The following DNAJC24 variants were observed in gnomAD, a reference collection of about 807,000 sequenced individuals.
DNAJC24 encodes DnaJ heat shock protein family (Hsp40) member C24.
A neutral mutation model predicts 18.0 loss-of-function variants in DNAJC24; 17 were observed. The observed-to-expected ratio is 0.94, with a 90% CI of 0.65 to 1.42. DNAJC24 has a LOEUF of 1.42. DNAJC24 is among the 40% of genes most tolerant of loss of function. The pLI is 0.00. For missense variants in DNAJC24, 158 were observed against 175.6 expected (o/e 0.90, Z 0.57); for synonymous variants, 55 against 57.7 (o/e 0.95, Z 0.21).
chr11:31,410,924 CTAAACTGATATAT>C (rs1952702335), intron 2 of DNAJC24, among the ~76,000 whole-genome samples: 1 of 152,060 alleles, frequency 6.6e-6, no homozygotes, highest in Non-Finnish European at 1.5e-5. Flanking sequence ...TCCATTTTCC[CTAAACTGATATAT>C]TAATTAATGC....
At chr11:31,388,202 A>G (rs1272001567) in intron 2 of DNAJC24, among the ~76,000 whole-genome samples, 2 of 152,174 alleles carry the variant, frequency 1.3e-5, no homozygotes, top group Non-Finnish European at 2.9e-5. Flanking sequence ...GTTTATTCAG[A>G]TGGTTAATAA....
intron 2 of DNAJC24, among the ~76,000 whole-genome samples, chr11:31,378,677 C>T (rs571896922): frequency 3.1e-4 from 47 of 150,788 alleles, no homozygotes; most frequent in Non-Finnish European, 4.4e-4. Context: ...ATATTCCTAT[C>T]GCATAAATGC....
At position 31,411,650 on chromosome 11, in the gene DNAJC24, C is replaced by T. The variant is rs530956873; in HGVS notation, c.112-3161C>T. Among the ~76,000 whole-genome samples the T allele has an allele frequency of 1.8e-3, 267 of 152,256 alleles. 1 individual carries two copies. The highest frequency in any genetic ancestry group is 3.4e-3 in the Middle Eastern group (1 of 294). On this transcript the variant is annotated intron_variant, in intron 2 of 4. Coordinates refer to ENST00000465995, the MANE Select transcript of DNAJC24 (RefSeq NM_181706.5). ...TCTCTCTCCACTGTCTTCACATCACCGTCTCTTCTGTGTGTCAGCTCTTTC... is the reference window on the plus strand; with the variant it reads ...TCTCTCTCCACTGTCTTCACATCACTGTCTCTTCTGTGTGTCAGCTCTTTC...
intron 2 of DNAJC24, among the ~76,000 whole-genome samples, chr11:31,413,328 T>TC (rs1190087898): frequency 7.1e-6 from 1 of 140,706 alleles, no homozygotes; most frequent in Non-Finnish European, 1.6e-5. Context: ...AATACTATCT[T>TC]TTTTTTTTTT....
chr11:31,420,157 A>G (rs1371578099), intron 3 of DNAJC24, among the ~76,000 whole-genome samples: 1 of 152,026 alleles, frequency 6.6e-6, no homozygotes, highest in Non-Finnish European at 1.5e-5. Flanking sequence ...CTTATTACCT[A>G]TTTCAAACCT....
At chr11:31,417,110 T>C (rs1239808674) in intron 3 of DNAJC24, 1 of 152,110 alleles carries the variant, frequency 6.6e-6, no homozygotes, top group Non-Finnish European at 1.5e-5. Flanking sequence ...AATTTAGCTG[T>C]TCTAGAAGGA....
Position 31,370,988 on chromosome 11 carries a change from G to C in DNAJC24, c.111+129G>C, listed in dbSNP as rs553562035. On this transcript the variant is annotated intron_variant, in intron 2 of 4. Transcript: ENST00000465995. ...ATCCAGGTATTAATTTGATTTAATT[G>C]AACATTTCAGTAATATTGCAGAAAA... is the stretch of plus-strand genomic sequence containing the variant. 26 of 592,546 alleles carry C rather than the reference G, an allele frequency of 4.4e-5. No individual in the cohort carries two copies. In the South Asian group the frequency reaches 5.3e-4, roughly 12 times the overall value. The allele number at this position is 592,546 out of a possible 1,614,324, so 36.7% of individuals were successfully genotyped here.
intron 2 of DNAJC24, among the ~76,000 whole-genome samples, chr11:31,404,814 T>C (rs1410939590): frequency 6.6e-6 from 1 of 152,026 alleles, no homozygotes; most frequent in Non-Finnish European, 1.5e-5. Context: ...TCTACTGTAA[T>C]GTCATGGAAA....
intron 4 of DNAJC24, chr11:31,427,989 A>C (rs1335282501): frequency 6.6e-6 from 1 of 151,008 alleles, no homozygotes; most frequent in Non-Finnish European, 1.5e-5. Flanking sequence ...TTTAAAAAAA[A>C]AACAAGCATA....
chr11:31,375,638 G>C (rs967368608), intron 2 of DNAJC24, among the ~76,000 whole-genome samples: 1 of 134,626 alleles, frequency 7.4e-6, no homozygotes, highest in African/African-American at 2.5e-5. Flanking sequence ...AGAGATAGGA[G>C]GGACCTGTCT....
chr11:31,405,468 CCA>C (rs1208020739), intron 2 of DNAJC24, among the ~76,000 whole-genome samples: 3 of 151,438 alleles, frequency 2.0e-5, no homozygotes, highest in Non-Finnish European at 4.4e-5. Flanking sequence ...TATCAGAATA[CCA>C]CAGACTAGCT....
At chr11:31,407,528 T>A (rs1331042487) in intron 2 of DNAJC24, 4 of 150,804 alleles carry the variant, frequency 2.7e-5, no homozygotes, top group Non-Finnish European at 5.9e-5. Context: ...CTACAGAAAA[T>A]ACAAAAATTA....
intron 2 of DNAJC24, among the ~76,000 whole-genome samples, chr11:31,372,925 T>C (rs1952280029): frequency 7.4e-6 from 1 of 135,096 alleles, no homozygotes; most frequent in Non-Finnish European, 1.7e-5. Context: ...CCCATGAGAA[T>C]CACTGGACTA....
rs181925535 is a variant in DNAJC24, at chr11:31,396,308, T to C, written c.112-18503T>C. 1.5e-4 allele frequency: 68 copies of C among 454,770 alleles called. No individual in the cohort carries two copies. The East Asian group carries it at 4.7e-3, about 31-fold the overall frequency. 28.2% of individuals were successfully genotyped at this position (454,770 alleles called of 1,614,324 possible). ...GATCTATTCCTCTATGTGATATAAA[T>C]GTCACTGTGCTTCTGAGTTTTATTT... On this transcript the variant is annotated intron_variant, in intron 2 of 4. Transcript: ENST00000465995.
chr11:31,415,771 G>A (rs1373564276), intron 3 of DNAJC24: 1 of 152,210 alleles, frequency 6.6e-6, no homozygotes, highest in African/African-American at 2.4e-5. Flanking sequence ...ACTGGGATGT[G>A]TTGATAAAAG....
rs1230692001 is a variant in DNAJC24 at position 31,370,736 on chromosome 11, T to A, written c.-13T>A. The stretch of plus-strand genomic sequence containing the variant: ...TTCAGCTAATCTGAGAAGGCCCACT[T>A]CTGGTTCCATGGATGATGGCGGTTG... On this transcript the variant is annotated 5_prime_UTR_variant, in exon 2 of 5. Transcript: ENST00000465995. 1 of 1,586,650 alleles carries A rather than the reference T, an allele frequency of 6.3e-7. No homozygotes were observed. Among genetic ancestry groups the A allele is most frequent in the Non-Finnish European group, 8.6e-7 (1 of 1,163,618 alleles).
intron 2 of DNAJC24, among the ~76,000 whole-genome samples, chr11:31,375,133 T>A (rs1336147589): frequency 7.4e-6 from 1 of 134,968 alleles, no homozygotes; most frequent in Non-Finnish European, 1.7e-5. Flanking sequence ...GAGATATGAT[T>A]GTGTCACTGC....
intron 2 of DNAJC24, among the ~76,000 whole-genome samples, chr11:31,387,093 C>A (rs545952869): frequency 4.6e-5 from 7 of 152,252 alleles, no homozygotes; most frequent in African/African-American, 1.7e-4. Context: ...CAATAGAGCA[C>A]CAGATAGACT....
At chr11:31,387,612 C>A (rs1952442515) in intron 2 of DNAJC24, among the ~76,000 whole-genome samples, 1 of 152,150 alleles carries the variant, frequency 6.6e-6, no homozygotes, top group Non-Finnish European at 1.5e-5. Flanking sequence ...ACAAGTCTCT[C>A]TGAATACTTG....
Sources: allele counts gnomAD v4.1 joint callset (sites outside exome capture counted in the v4.1 genomes callset), GRCh38; gene constraint gnomAD v4.1.1; transcripts MANE v1.5; gene names NCBI Gene and HGNC (gene_info 2026-07-23, HGNC 2026-07-21).